The following DAB1 variants were observed in gnomAD, a reference collection of about 807,000 sequenced individuals.
The protein encoded by DAB1 is disabled homolog 1.
DAB1 carries 15 observed loss-of-function variants against 64.6 expected under a neutral mutation model. The observed-to-expected ratio is 0.23, with a 90% CI of 0.16 to 0.36. The LOEUF is 0.36. Ranked by LOEUF, DAB1 falls within the 10% of genes least tolerant of loss-of-function variation. DAB1 has a pLI of 1.00. For synonymous variants in DAB1, 235 were observed against 251.9 expected (o/e 0.93, Z 0.64); for missense variants, 596 against 706.7 (o/e 0.84, Z 1.78).
intron 3 of DAB1, among the ~76,000 whole-genome samples, chr1:58,480,133 G>A (rs144941475): frequency 2.8e-4 from 42 of 152,260 alleles, no homozygotes; most frequent in Non-Finnish European, 5.3e-4. Flanking sequence ...GTCTTGTGCT[G>A]CTTCTCTTGT....
intron 5 of DAB1, among the ~76,000 whole-genome samples, chr1:57,896,990 T>A (rs1644401107): frequency 6.6e-6 from 1 of 152,156 alleles, no homozygotes; most frequent in South Asian, 2.1e-4. Flanking sequence ...GCCATCCTAA[T>A]AGCTACAGGC....
intron 6 of DAB1, among the ~76,000 whole-genome samples, chr1:57,691,827 C>T (rs541836115): frequency 2.6e-5 from 4 of 152,256 alleles, no homozygotes; most frequent in African/African-American, 9.6e-5. Context: ...TCTCAGACCC[C>T]TTTCGCTTGC....
At chr1:57,862,813 C>T (rs931650240) in intron 1 of DAB1, 5 of 152,258 alleles carry the variant, frequency 3.3e-5, no homozygotes, top group South Asian at 4.2e-4. Flanking sequence ...GACACTGAGA[C>T]TCTCACACTG....
At chr1:57,694,017 T>C (rs976779387) in intron 6 of DAB1, among the ~76,000 whole-genome samples, 1 of 152,194 alleles carries the variant, frequency 6.6e-6, no homozygotes, top group African/African-American at 2.4e-5. Context: ...GAGATATTAC[T>C]CAAAAATTTT....
intron 1 of DAB1, among the ~76,000 whole-genome samples, chr1:57,313,239 TG>T (rs1422903051): frequency 1.3e-5 from 2 of 152,160 alleles, no homozygotes; most frequent in Non-Finnish European, 2.9e-5. Context: ...GTGTGGGTCC[TG>T]CTTTGCCCAT....
intron 1 of DAB1, among the ~76,000 whole-genome samples, chr1:57,881,249 G>A (rs1644139284): frequency 6.6e-6 from 1 of 152,152 alleles, no homozygotes; most frequent in African/African-American, 2.4e-5. Context: ...CTACTGCTGG[G>A]TTAGACATCT....
intron 7 of DAB1, among the ~76,000 whole-genome samples, chr1:57,452,887 G>C (rs1006807725): frequency 2.6e-5 from 4 of 151,742 alleles, no homozygotes; most frequent in African/African-American, 9.7e-5. Context: ...GAGAAAGAGG[G>C]AGGGAGGAAG....
At chr1:57,598,081 T>C (rs1645532088) in intron 7 of DAB1, among the ~76,000 whole-genome samples, 1 of 152,162 alleles carries the variant, frequency 6.6e-6, no homozygotes, top group Non-Finnish European at 1.5e-5. Flanking sequence ...CTCCCAGGTT[T>C]ACGCCATTCC....
intron 7 of DAB1, among the ~76,000 whole-genome samples, chr1:57,551,512 G>C (rs1203652146): frequency 1.3e-5 from 2 of 152,186 alleles, no homozygotes; most frequent in East Asian, 1.9e-4. Flanking sequence ...AATGAAAATG[G>C]AGAATTAGCA....
chr1:57,248,008 C>T (rs890337218), intron 2 of DAB1, among the ~76,000 whole-genome samples: 1 of 152,156 alleles, frequency 6.6e-6, no homozygotes, highest in Non-Finnish European at 1.5e-5. Context: ...ATTATACAGT[C>T]ATCACTTGGT....
chr1:58,378,807 G>GA (rs1644355853), intron 3 of DAB1, among the ~76,000 whole-genome samples: 2 of 110,526 alleles, frequency 1.8e-5, no homozygotes, highest in Non-Finnish European at 3.6e-5. Context: ...TTTGATCTCA[G>GA]ACTGCTGTGC....
At chr1:58,283,860 T>C (rs74702997) in intron 4 of DAB1, among the ~76,000 whole-genome samples, 2,362 of 152,298 alleles carry the variant, frequency 0.016, 53 homozygotes, top group African/African-American at 0.054. Flanking sequence ...CCATGTTGTT[T>C]TATTTGTCTT....
chr1:58,369,246 T>C (rs143530260), intron 3 of DAB1, among the ~76,000 whole-genome samples: 53 of 152,320 alleles, frequency 3.5e-4, no homozygotes, highest in African/African-American at 1.2e-3. Context: ...CAGTGTGTCT[T>C]GTATTATCTC....
At chr1:57,305,502 A>G (rs1674060879) in intron 1 of DAB1, among the ~76,000 whole-genome samples, 1 of 152,190 alleles carries the variant, frequency 6.6e-6, no homozygotes, top group Non-Finnish European at 1.5e-5. Context: ...GCAGGAGAAT[A>G]GGGCAGAGAG....
intron 7 of DAB1, among the ~76,000 whole-genome samples, chr1:57,648,153 G>C (rs756033020): frequency 6.6e-6 from 1 of 152,150 alleles, no homozygotes; most frequent in Non-Finnish European, 1.5e-5. Flanking sequence ...AATAATAAAA[G>C]ATCAAACTCA....
At chr1:57,578,641 A>T (rs1208784942) in intron 7 of DAB1, among the ~76,000 whole-genome samples, 1 of 152,224 alleles carries the variant, frequency 6.6e-6, no homozygotes, top group Admixed American at 6.5e-5. Flanking sequence ...TATATGCCAC[A>T]TACGATTCCA....
chr1:57,505,283 TG>T (rs527282182), intron 7 of DAB1, among the ~76,000 whole-genome samples: 214 of 152,326 alleles, frequency 1.4e-3, no homozygotes, highest in Non-Finnish European at 2.2e-3. Flanking sequence ...AGCCACACTG[TG>T]GGGTGCTTTT....
intron 2 of DAB1, among the ~76,000 whole-genome samples, chr1:57,190,082 C>A (rs1340547445): frequency 6.6e-6 from 1 of 152,128 alleles, no homozygotes; most frequent in Non-Finnish European, 1.5e-5. Flanking sequence ...GGTTCTCAAA[C>A]CTGAGTGTGC....
At chr1:57,195,801 G>C (rs1021183296) in intron 2 of DAB1, among the ~76,000 whole-genome samples, 3 of 152,202 alleles carry the variant, frequency 2.0e-5, no homozygotes, top group African/African-American at 7.2e-5. Context: ...TGCATTCATG[G>C]AATCCCTGTA....
Sources: allele counts gnomAD v4.1 joint callset (sites outside exome capture counted in the v4.1 genomes callset), GRCh38; gene constraint gnomAD v4.1.1; transcripts MANE v1.5; gene names NCBI Gene and HGNC (gene_info 2026-07-23, HGNC 2026-07-21).